The following KIAA1958 variants were observed in gnomAD, a reference collection of about 807,000 sequenced individuals.
KIAA1958 encodes uncharacterized protein KIAA1958.
Under a neutral mutation model 47.2 loss-of-function variants are expected in KIAA1958, and 14 were observed. That is an observed-to-expected ratio of 0.30 (90% CI 0.20 to 0.46). The LOEUF (loss-of-function observed/expected upper bound fraction) is 0.46. Ranked by LOEUF, KIAA1958 falls within the 20% of genes least tolerant of loss-of-function variation. The probability of loss-of-function intolerance (pLI) is 1.00; values close to 1 mark genes in which losing one functional copy is unlikely to be tolerated. For synonymous variants in KIAA1958, 354 were observed against 353.3 expected (o/e 1.00, Z -0.02); for missense variants, 803 against 909.2 (o/e 0.88, Z 1.50).
At chr9:112,579,016 A>G (rs1835694569) in intron 2 of KIAA1958, among the ~76,000 whole-genome samples, 1 of 151,794 alleles carries the variant, frequency 6.6e-6, no homozygotes, top group Non-Finnish European at 1.5e-5. Context: ...ATTTGTATGT[A>G]TATATATTTT....
chr9:112,530,826 A>G (rs554628588), intron 1 of KIAA1958, among the ~76,000 whole-genome samples: 8 of 152,188 alleles, frequency 5.3e-5, no homozygotes, highest in Non-Finnish European at 7.3e-5. Context: ...GGACTCCACA[A>G]TATTTGGCTT....
At chr9:112,497,766 C>A (rs572419530) in intron 1 of KIAA1958, among the ~76,000 whole-genome samples, 1 of 152,190 alleles carries the variant, frequency 6.6e-6, no homozygotes, top group East Asian at 1.9e-4. Context: ...AGTTTTATCA[C>A]CTTTTTAGGT....
chr9:112,588,748 A>G (rs1189710170), intron 2 of KIAA1958, among the ~76,000 whole-genome samples: 1 of 152,068 alleles, frequency 6.6e-6, no homozygotes, highest in Non-Finnish European at 1.5e-5. Flanking sequence ...AGTTTGGACT[A>G]ATTGATTTAC....
At chr9:112,625,292 C>T (rs1353082015) in intron 2 of KIAA1958, among the ~76,000 whole-genome samples, 1 of 152,068 alleles carries the variant, frequency 6.6e-6, no homozygotes, top group Non-Finnish European at 1.5e-5. Context: ...GCTGGGACTC[C>T]CGGTTCATAC....
intron 3 of KIAA1958, among the ~76,000 whole-genome samples, chr9:112,653,106 A>T (rs577041761): frequency 6.6e-6 from 1 of 152,222 alleles, no homozygotes; most frequent in Non-Finnish European, 1.5e-5. Flanking sequence ...ATTAAGTGCA[A>T]TGGGATCCCA....
chr9:112,648,316 T>C (rs1837009882), intron 3 of KIAA1958, among the ~76,000 whole-genome samples: 2 of 152,020 alleles, frequency 1.3e-5, no homozygotes, highest in Admixed American at 6.6e-5. Flanking sequence ...ATTAAGGAAA[T>C]GGAGCTGAGA....
chr9:112,627,744 G>A (rs917951351), intron 2 of KIAA1958, among the ~76,000 whole-genome samples: 1 of 152,090 alleles, frequency 6.6e-6, no homozygotes, highest in Non-Finnish European at 1.5e-5. Context: ...AGGGAGCAAG[G>A]CTCCAACCCC....
intron 1 of KIAA1958, among the ~76,000 whole-genome samples, chr9:112,561,244 C>A (rs992436342): frequency 6.6e-6 from 1 of 151,836 alleles, no homozygotes; most frequent in Non-Finnish European, 1.5e-5. Flanking sequence ...TTAGTAGAGA[C>A]GGGGTTTCAC....
chr9:112,562,320 A>T (rs1456435095), intron 1 of KIAA1958, among the ~76,000 whole-genome samples: 1 of 152,214 alleles, frequency 6.6e-6, no homozygotes, highest in Non-Finnish European at 1.5e-5. Flanking sequence ...TAAGGAAACT[A>T]AGGGACCGAG....
intron 2 of KIAA1958, among the ~76,000 whole-genome samples, chr9:112,638,435 G>A (rs143683519): frequency 0.018 from 2,679 of 152,136 alleles, 37 homozygotes; most frequent in Non-Finnish European, 0.027. Context: ...CCAGGAGCAC[G>A]AGGCTGCAAT....
chr9:112,625,640 G>T (rs1836597922), intron 2 of KIAA1958, among the ~76,000 whole-genome samples: 1 of 152,234 alleles, frequency 6.6e-6, no homozygotes, highest in East Asian at 1.9e-4. Context: ...TCTACTTCTT[G>T]TTTTCCAAAT....
At chr9:112,628,059 T>C (rs1564195201) in intron 2 of KIAA1958, among the ~76,000 whole-genome samples, 3 of 152,208 alleles carry the variant, frequency 2.0e-5, no homozygotes, top group Non-Finnish European at 4.4e-5. Flanking sequence ...CTTTTATTTA[T>C]ACTCTTAAAA....
intron 2 of KIAA1958, among the ~76,000 whole-genome samples, chr9:112,590,061 T>C (rs1835893280): frequency 6.6e-6 from 1 of 152,174 alleles, no homozygotes; most frequent in South Asian, 2.1e-4. Context: ...CCCTGCATAG[T>C]GTGATGTGGT....
chr9:112,519,550 T>G (rs1834502241), intron 1 of KIAA1958, among the ~76,000 whole-genome samples: 1 of 152,332 alleles, frequency 6.6e-6, no homozygotes, highest in South Asian at 2.1e-4. Context: ...TGAATTATCC[T>G]TGTGTCTCTT....
At chr9:112,566,828 A>G (rs1017930594) in intron 1 of KIAA1958, among the ~76,000 whole-genome samples, 8 of 152,240 alleles carry the variant, frequency 5.3e-5, no homozygotes, top group African/African-American at 1.9e-4. Context: ...TGAATACAGC[A>G]TGAACAGGTT....
chr9:112,506,091 G>T (rs951333384), intron 1 of KIAA1958, among the ~76,000 whole-genome samples: 2 of 152,068 alleles, frequency 1.3e-5, no homozygotes, highest in Non-Finnish European at 2.9e-5. Context: ...TGAACTATAG[G>T]GTAAAGCTTT....
intron 3 of KIAA1958, among the ~76,000 whole-genome samples, chr9:112,647,702 A>G (rs1191236169): frequency 6.6e-6 from 1 of 152,222 alleles, no homozygotes; most frequent in Non-Finnish European, 1.5e-5. Context: ...CAGACACAAC[A>G]TGTGAAACAA....
At chr9:112,619,980 A>G (rs1404521112) in intron 2 of KIAA1958, among the ~76,000 whole-genome samples, 1 of 152,174 alleles carries the variant, frequency 6.6e-6, no homozygotes, top group Admixed American at 6.5e-5. Context: ...GATCCAAGGA[A>G]TATTGGCACT....
At chr9:112,583,555 A>C (rs1835770155) in intron 2 of KIAA1958, among the ~76,000 whole-genome samples, 1 of 152,236 alleles carries the variant, frequency 6.6e-6, no homozygotes, top group South Asian at 2.1e-4. Flanking sequence ...TAACAGGAGA[A>C]AAAAATCAGT....
Sources: gnomAD v4.1 joint callset for allele counts (sites outside exome capture counted in the v4.1 genomes callset) on GRCh38, gnomAD v4.1.1 for gene constraint, MANE v1.5 for transcripts, NCBI Gene and HGNC (gene_info 2026-07-23, HGNC 2026-07-21) for gene names.